RPS6KA3: variants seen among roughly 807,000 people sequenced by gnomAD.
RPS6KA3 encodes ribosomal protein S6 kinase alpha-3.
A neutral mutation model predicts 67.2 loss-of-function variants in RPS6KA3; 4 were observed. The ratio of observed to expected loss-of-function variants is 0.06; its 90% CI spans 0.03 to 0.14. The LOEUF (loss-of-function observed/expected upper bound fraction) is 0.14. RPS6KA3 is among the 10% of genes least tolerant of loss of function. RPS6KA3 has a pLI of 1.00. For missense variants in RPS6KA3, 204 were observed against 559.0 expected, an observed-to-expected ratio of 0.36 and a Z score of 6.40; for synonymous variants, 182 against 183.7, an observed-to-expected ratio of 0.99 and a Z score of 0.07.
intron 2 of RPS6KA3, among the ~76,000 whole-genome samples, chrX:20,232,220 T>C (rs2069284495): frequency 8.9e-6 from 1 of 111,747 alleles, no homozygotes; most frequent in South Asian, 3.7e-4. Flanking sequence ...GTAACCTTAG[T>C]GTAGGGAAGG....
intron 15 of RPS6KA3, among the ~76,000 whole-genome samples, chrX:20,169,813 T>C (rs1221906892): frequency 8.9e-6 from 1 of 112,141 alleles, no homozygotes; most frequent in African/African-American, 3.2e-5. Flanking sequence ...ACAGTTAACA[T>C]ATCTTTTCTT....
chrX:20,248,453 T>C (rs1171568393), intron 1 of RPS6KA3, among the ~76,000 whole-genome samples: 1 of 111,722 alleles, frequency 9.0e-6, no homozygotes, highest in Admixed American at 9.4e-5. Context: ...AAGTTTTTAA[T>C]TGAGAATAGA....
At chrX:20,248,022 C>T (rs941786378) in intron 1 of RPS6KA3, among the ~76,000 whole-genome samples, 3 of 111,253 alleles carry the variant, frequency 2.7e-5, no homozygotes, top group African/African-American at 6.5e-5. Context: ...TATTTCTAGG[C>T]ATTCAACATT....
chrX:20,217,207 T>G (rs772058800), intron 2 of RPS6KA3, among the ~76,000 whole-genome samples: 1 of 112,096 alleles, frequency 8.9e-6, no homozygotes. Flanking sequence ...AAAACGTCCT[T>G]AGGTTTATAC....
chrX:20,183,494 T>C (rs886467563), intron 10 of RPS6KA3, among the ~76,000 whole-genome samples: 5 of 111,668 alleles, frequency 4.5e-5, no homozygotes, highest in Non-Finnish European at 9.4e-5. Context: ...ATTTAACTTT[T>C]CCAGCATGAT....
At chrX:20,175,128 C>T in intron 14 of RPS6KA3, 36 bp downstream of exon 14, 3 of 1,148,792 alleles carry the variant, frequency 2.6e-6, no homozygotes, top group Non-Finnish European at 3.6e-6. Context: ...TATCTTACAA[C>T]ATTCCAAATC....
chrX:20,256,117 C>T (rs1311270056), intron 1 of RPS6KA3, among the ~76,000 whole-genome samples: 1 of 86,914 alleles, frequency 1.2e-5, no homozygotes, highest in Non-Finnish European at 2.1e-5. Context: ...ATACAAGGAC[C>T]TTCCATATCA....
chrX:20,214,463 T>C (rs1461882690), intron 2 of RPS6KA3, among the ~76,000 whole-genome samples: 2 of 112,343 alleles, frequency 1.8e-5, no homozygotes, highest in African/African-American at 6.5e-5. Flanking sequence ...CATAGATCCA[T>C]TGCCTTCTAG....
chrX:20,229,648 T>C (rs553637740), intron 2 of RPS6KA3, among the ~76,000 whole-genome samples: 2 of 112,541 alleles, frequency 1.8e-5, no homozygotes, highest in African/African-American at 6.4e-5. Flanking sequence ...TTATTAGTAG[T>C]TGACAAAAGG....
chrX:20,159,231 T>C (rs1390956565), intron 20 of RPS6KA3, among the ~76,000 whole-genome samples: 1 of 112,389 alleles, frequency 8.9e-6, no homozygotes, highest in African/African-American at 3.2e-5. Context: ...ACCTGAAATA[T>C]TGCAAAACCT....
chrX:20,220,687 T>C (rs1235467081), intron 2 of RPS6KA3, among the ~76,000 whole-genome samples: 1 of 112,270 alleles, frequency 8.9e-6, no homozygotes. Context: ...AGGTTAATAA[T>C]TCACATTTTG....
intron 1 of RPS6KA3, among the ~76,000 whole-genome samples, chrX:20,262,272 T>A (rs746430479): frequency 8.9e-6 from 1 of 112,011 alleles, no homozygotes; most frequent in Non-Finnish European, 1.9e-5. Context: ...TAAAAATTTT[T>A]AAAAACTTTA....
chrX:20,247,850 C>T (rs980466726), intron 1 of RPS6KA3, among the ~76,000 whole-genome samples: 1 of 109,908 alleles, frequency 9.1e-6, no homozygotes, highest in Non-Finnish European at 1.9e-5. Flanking sequence ...GAAAAGTTAC[C>T]CTCAAATCTT....
chrX:20,252,373 T>C (rs1023178181), intron 1 of RPS6KA3, among the ~76,000 whole-genome samples: 1 of 111,495 alleles, frequency 9.0e-6, no homozygotes, highest in East Asian at 2.8e-4. Flanking sequence ...TACTGTCTAA[T>C]GGATATTTGG....
chrX:20,229,970 A>T (rs1434592287), intron 2 of RPS6KA3, among the ~76,000 whole-genome samples: 1 of 112,247 alleles, frequency 8.9e-6, no homozygotes, highest in African/African-American at 3.2e-5. Context: ...ATGCTTTTAG[A>T]CTACAGAGAA....
intron 15 of RPS6KA3, among the ~76,000 whole-genome samples, chrX:20,172,345 T>A (rs1243747371): frequency 8.9e-6 from 1 of 112,129 alleles, no homozygotes; most frequent in African/African-American, 3.2e-5. Context: ...ATTCATTAGT[T>A]CCCAGATCCT....
intron 4 of RPS6KA3, among the ~76,000 whole-genome samples, chrX:20,200,789 C>T (rs1228747226): frequency 9.0e-6 from 1 of 110,700 alleles, no homozygotes; most frequent in Non-Finnish European, 1.9e-5. Flanking sequence ...TCAAGCGTTC[C>T]TCCCGCTTTA....
intron 10 of RPS6KA3, among the ~76,000 whole-genome samples, chrX:20,183,995 C>T (rs181274918): frequency 4.4e-4 from 49 of 112,623 alleles, no homozygotes; most frequent in African/African-American, 1.5e-3. Flanking sequence ...GCTGAAATAA[C>T]ATCTTGGGTA....
intron 17 of RPS6KA3, among the ~76,000 whole-genome samples, chrX:20,165,918 C>T (rs1458467720): frequency 2.7e-5 from 3 of 110,825 alleles, no homozygotes; most frequent in African/African-American, 9.9e-5. Context: ...AGGATAATAC[C>T]GAAGTCTCTC....
Sources: allele counts gnomAD v4.1 joint callset (sites outside exome capture counted in the v4.1 genomes callset), GRCh38; gene constraint gnomAD v4.1.1; transcripts MANE v1.5; gene names NCBI Gene and HGNC (gene_info 2026-07-23, HGNC 2026-07-21).